The following TRIM5 variants were observed in gnomAD, a reference collection of about 807,000 sequenced individuals.
TRIM5 encodes the protein tripartite motif-containing protein 5.
TRIM5 carries 31 observed loss-of-function variants against 35.6 expected under a neutral mutation model. The observed-to-expected ratio is 0.87, with a 90% CI of 0.65 to 1.18. The LOEUF (loss-of-function observed/expected upper bound fraction) is 1.18. TRIM5 is among the 50% of genes most tolerant of loss of function. TRIM5 has a pLI of 0.00. For synonymous variants in TRIM5, 243 were observed against 215.6 expected, an observed-to-expected ratio of 1.13 and a Z score of -1.11; for missense variants, 609 against 591.6, an observed-to-expected ratio of 1.03 and a Z score of -0.31.
At chr11:5,638,691 G>A in the TRIM5 span, among the ~76,000 whole-genome samples, 2 of 152,226 alleles carry the variant, frequency 1.3e-5, no homozygotes, top group South Asian at 4.1e-4. Flanking sequence ...AAACAATATG[G>A]CTGGAGAACA....
Position 5,665,338 on chromosome 11 carries a change from CTCT to C in TRIM5, c.950_952del (p.Lys317del). 3 of 1,613,598 alleles carry C rather than the reference CTCT, an allele frequency of 1.9e-6. No individual in the cohort carries two copies. Among genetic ancestry groups the C allele is most frequent in the Non-Finnish European group, 2.5e-6 (3 of 1,179,868 alleles). On this transcript the variant is annotated inframe_deletion, in exon 8 of 8. Transcript: ENST00000380034. ...CTGTGGTTTCGGAGAGCTCACTTGT[CTCT>C]TATCTTCAGAAATGACAGCACATGA...
chr11:5,661,913 T>C (rs1162400635), downstream of TRIM5, among the ~76,000 whole-genome samples: 1 of 152,236 alleles, frequency 6.6e-6, no homozygotes, highest in Non-Finnish European at 1.5e-5. Context: ...AACTGGGTAC[T>C]TCATCCTGAG....
intron 5 of TRIM5, among the ~76,000 whole-genome samples, chr11:5,667,372 A>G (rs1017060701): frequency 6.6e-6 from 1 of 151,654 alleles, no homozygotes. Flanking sequence ...ACGCCCCCCT[A>G]ATTTTTGTAT....
the TRIM5 span, among the ~76,000 whole-genome samples, chr11:5,620,479 G>A: frequency 1.4e-4 from 22 of 152,144 alleles, no homozygotes; most frequent in Admixed American, 1.3e-3. Context: ...GGGATTACAG[G>A]AGTGAGCCAC....
the TRIM5 span, among the ~76,000 whole-genome samples, chr11:5,618,260 C>G: frequency 1.3e-5 from 2 of 152,134 alleles, no homozygotes; most frequent in Non-Finnish European, 2.9e-5. Flanking sequence ...ATTCCAGCTA[C>G]TTGGGAGGCT....
the TRIM5 span, among the ~76,000 whole-genome samples, chr11:5,600,590 T>C: frequency 7.9e-5 from 12 of 152,196 alleles, no homozygotes; most frequent in African/African-American, 2.9e-4. Context: ...AAGGGGAGTG[T>C]TGTTATTGGG....
intron 1 of TRIM5, among the ~76,000 whole-genome samples, chr11:5,682,950 G>C (rs1483493374): frequency 6.6e-6 from 1 of 152,246 alleles, no homozygotes; most frequent in East Asian, 1.9e-4. Context: ...TGTGGAGGGA[G>C]AGGGGCGAGC....
At chr11:5,668,996 A>G (rs1418476864) in intron 4 of TRIM5, among the ~76,000 whole-genome samples, 4 of 151,586 alleles carry the variant, frequency 2.6e-5, no homozygotes, top group African/African-American at 9.7e-5. Flanking sequence ...TGTCCATAAT[A>G]TTACTAATAT....
chr11:5,682,553 A>G (rs897318219), intron 1 of TRIM5, among the ~76,000 whole-genome samples: 3 of 152,168 alleles, frequency 2.0e-5, no homozygotes, highest in Non-Finnish European at 4.4e-5. Context: ...AAAGTTGCTT[A>G]AGAAGAAGCC....
chr11:5,658,936 G>T (rs1850721790), downstream of TRIM5, among the ~76,000 whole-genome samples: 3 of 152,112 alleles, frequency 2.0e-5, no homozygotes, highest in South Asian at 6.2e-4. Context: ...CTCACTTGTA[G>T]GTGGGAATTG....
At chr11:5,629,377 A>G in the TRIM5 span, among the ~76,000 whole-genome samples, 2 of 152,236 alleles carry the variant, frequency 1.3e-5, no homozygotes, top group Non-Finnish European at 2.9e-5. Context: ...TGATTTTCAA[A>G]TAAGTTCACA....
At chr11:5,649,897 G>A in the TRIM5 span, among the ~76,000 whole-genome samples, 5 of 152,308 alleles carry the variant, frequency 3.3e-5, no homozygotes, top group East Asian at 9.6e-4. Flanking sequence ...GGAAGATACT[G>A]CCACTTAACT....
At chr11:5,673,348 T>G (rs1393540622) in intron 4 of TRIM5, among the ~76,000 whole-genome samples, 1 of 152,098 alleles carries the variant, frequency 6.6e-6, no homozygotes, top group African/African-American at 2.4e-5. Context: ...TATTTCATAA[T>G]GAAAGAAAGG....
the TRIM5 span, among the ~76,000 whole-genome samples, chr11:5,602,257 A>T: frequency 1.3e-5 from 2 of 149,366 alleles, no homozygotes; most frequent in South Asian, 4.2e-4. Context: ...TGGCTAACAC[A>T]GTGAAACCTC....
the TRIM5 span, chr11:5,611,637 G>A: frequency 0.21 from 60,210 of 293,658 alleles, 6,692 homozygotes; most frequent in East Asian, 0.31. Flanking sequence ...TATTTTTATA[G>A]AGATAGGGTT....
At chr11:5,596,770 T>C in the TRIM5 span, 6 of 1,442,478 alleles carry the variant, frequency 4.2e-6, no homozygotes, top group Non-Finnish European at 5.8e-6. Flanking sequence ...CGTGGTTGAG[T>C]TTAGATAAAA....
At chr11:5,635,550 CCAG>C in the TRIM5 span, among the ~76,000 whole-genome samples, 1 of 152,188 alleles carries the variant, frequency 6.6e-6, no homozygotes, top group Non-Finnish European at 1.5e-5. Context: ...CCCACCGCAC[CCAG>C]CCCCCTGTTA....
chr11:5,606,390 TGTG>T, the TRIM5 span, among the ~76,000 whole-genome samples: 1 of 152,288 alleles, frequency 6.6e-6, no homozygotes, highest in East Asian at 1.9e-4. Flanking sequence ...GAATGAATAG[TGTG>T]GTTGTGAATT....
chr11:5,620,842 C>A, the TRIM5 span, among the ~76,000 whole-genome samples: 7 of 152,194 alleles, frequency 4.6e-5, no homozygotes, highest in South Asian at 2.1e-4. Flanking sequence ...AGTGAGATAG[C>A]AAGGCAAAAG....
Sources: gnomAD v4.1 joint callset for allele counts (sites outside exome capture counted in the v4.1 genomes callset) on GRCh38, gnomAD v4.1.1 for gene constraint, MANE v1.5 for transcripts, NCBI Gene and HGNC (gene_info 2026-07-23, HGNC 2026-07-21) for gene names.